Variants in TRAPPC10 observed in about 807,000 individuals in gnomAD.
TRAPPC10 encodes trafficking protein particle complex subunit 10.
TRAPPC10 carries 23 observed loss-of-function variants against 125.5 expected under a neutral mutation model. The observed-to-expected ratio is 0.18, with a 90% CI of 0.13 to 0.26. TRAPPC10 has a LOEUF of 0.26. Ranked by LOEUF, TRAPPC10 falls within the 10% of genes least tolerant of loss-of-function variation. The pLI is 1.00. For missense variants in TRAPPC10, 1,123 were observed against 1,308.4 expected (o/e 0.86, Z 2.19); for synonymous variants, 509 against 518.0 (o/e 0.98, Z 0.24).
chr21:44,015,026 G>A lies in TRAPPC10; in HGVS notation c.67+2466G>A, dbSNP rs1315424418. On this transcript the variant is annotated intron_variant, in intron 1 of 22. Coordinates refer to ENST00000291574, the MANE Select transcript of TRAPPC10 (RefSeq NM_003274.5). ...ATGTTTTGAAAGGAGAAGGTGGTAT[G>A]AACAATTGCTTTAAAAAAATCCACC... Among the ~76,000 whole-genome samples the A allele has an allele frequency of 2.0e-5, 3 of 152,198 alleles. No individual in the cohort carries two copies. In the South Asian group the frequency reaches 6.2e-4, roughly 32 times the overall value.
rs1044213113 is a variant in TRAPPC10, at chr21:44,087,563, T to G, written c.2540-136T>G. The G allele has an allele frequency of 2.7e-6, 2 of 739,614 alleles. No individual in the cohort carries two copies. The highest frequency in any genetic ancestry group is 1.7e-5 in the African/African-American group (1 of 57,660). 45.8% of individuals were successfully genotyped at this position (739,614 alleles called of 1,614,324 possible). ...TGCTCTGTCCTAGGGGCCTTGTTCTTGGGTTTGCCTGCCAGGTGCGCAGGA... is the reference window on the plus strand; with the variant it reads ...TGCTCTGTCCTAGGGGCCTTGTTCTGGGGTTTGCCTGCCAGGTGCGCAGGA... On this transcript the variant is annotated intron_variant, in intron 16 of 22. Coordinates refer to ENST00000291574, the MANE Select transcript of TRAPPC10 (RefSeq NM_003274.5). The surrounding 1 kb of genome is among the most constrained non-coding windows in gnomAD (Gnocchi z 4.6).
In TRAPPC10 at chr21:44,063,656, G is replaced by GTTA; in HGVS notation, c.910_912dup (p.Leu304dup). The GTTA allele has an allele frequency of 6.2e-7, 1 of 1,614,240 alleles. No homozygotes were observed. Among genetic ancestry groups the GTTA allele is most frequent in the Non-Finnish European group, 8.5e-7 (1 of 1,180,032 alleles). On this transcript the variant is annotated inframe_insertion, in exon 7 of 23. Transcript: ENST00000291574. This position sits in a 1 kb window ranked among gnomAD's most constrained non-coding sequence, Gnocchi z 4.4. Reference sequence around the variant, plus strand: ...CGATCCAGAGGCGAGAAGCCACCCTGTTAGATCTGCGCAGTTACCTGTTCT... The same window carrying GTTA: ...CGATCCAGAGGCGAGAAGCCACCCTGTTATTAGATCTGCGCAGTTACCTGTTCT...
At chr21:44,046,581 G>A (rs1601646615) in intron 3 of TRAPPC10, 1 of 187,244 alleles carries the variant, frequency 5.3e-6, no homozygotes, top group South Asian at 9.9e-5. Context: ...GCACGATCTC[G>A]GCTCACTGCA....
intron 1 of TRAPPC10, among the ~76,000 whole-genome samples, chr21:44,023,025 CTTTTTTTTTTTT>C (rs1028804319): frequency 1.2e-5 from 1 of 80,246 alleles, no homozygotes; most frequent in African/African-American, 5.7e-5. Flanking sequence ...TTCCCTATGT[CTTTTTTTTTTTT>C]TTTTTTTTTT....
intron 15 of TRAPPC10, among the ~76,000 whole-genome samples, chr21:44,086,080 G>A (rs1446684374): frequency 6.6e-6 from 1 of 152,226 alleles, no homozygotes; most frequent in Non-Finnish European, 1.5e-5. Context: ...GGAACATTGT[G>A]TAGAGAAGCT....
intron 5 of TRAPPC10, among the ~76,000 whole-genome samples, chr21:44,058,403 GGT>G (rs2035770317): frequency 6.6e-6 from 1 of 152,190 alleles, no homozygotes; most frequent in South Asian, 2.1e-4. Flanking sequence ...GCTGGGAAGG[GGT>G]GGGGGTGGGG....
intron 5 of TRAPPC10, among the ~76,000 whole-genome samples, chr21:44,056,679 G>A (rs952849802): frequency 6.6e-6 from 1 of 152,194 alleles, no homozygotes; most frequent in Non-Finnish European, 1.5e-5. Context: ...CTCTCTTCAA[G>A]GGTGCCACGG....
At chr21:44,053,922 TTGA>T (rs10561781) in intron 4 of TRAPPC10, among the ~76,000 whole-genome samples, 47,146 of 151,816 alleles carry the variant, frequency 0.31, 10,264 homozygotes, top group African/African-American at 0.62. Context: ...TTAAAAAAAA[TTGA>T]TGATGATATA....
At position 44,082,684 on chromosome 21, in the gene TRAPPC10, T is replaced by C; in HGVS notation, c.1724-104T>C. The C allele has an allele frequency of 7.6e-7, 1 of 1,309,098 alleles. No individual in the cohort carries two copies. The highest frequency in any genetic ancestry group is 1.5e-5 in the African/African-American group (1 of 68,936). The allele number at this position is 1,309,098 out of a possible 1,614,324, so 81.1% of individuals were successfully genotyped here. On this transcript the variant is annotated intron_variant, in intron 13 of 22. Transcript: ENST00000291574. The surrounding 1 kb of genome is among the most constrained non-coding windows in gnomAD (Gnocchi z 4.4). Reference sequence around the variant, plus strand: ...AGCTGCTGTGCCCATCACTGCTGCTTGCTTCAGTCTGCTCTCGGTGATCTT... The same window carrying C: ...AGCTGCTGTGCCCATCACTGCTGCTCGCTTCAGTCTGCTCTCGGTGATCTT...
intron 1 of TRAPPC10, among the ~76,000 whole-genome samples, chr21:44,020,105 G>A (rs1160019151): frequency 6.6e-6 from 1 of 151,346 alleles, no homozygotes; most frequent in Non-Finnish European, 1.5e-5. Flanking sequence ...TTGTATGTTT[G>A]GACATTTTTC....
chr21:44,085,941 C>T (rs1003220935), intron 15 of TRAPPC10, among the ~76,000 whole-genome samples: 28 of 152,210 alleles, frequency 1.8e-4, no homozygotes, highest in Middle Eastern at 3.2e-3. Context: ...GGAAAAAAAT[C>T]ACAAAGGGCA....
chr21:44,067,684 G>A (rs1007822378), intron 7 of TRAPPC10, among the ~76,000 whole-genome samples: 3 of 152,138 alleles, frequency 2.0e-5, no homozygotes, highest in Admixed American at 6.5e-5. Context: ...AAGTAGTGAC[G>A]AAGTGTTGTC....
chr21:44,084,819 G>C (rs751949493), intron 15 of TRAPPC10, among the ~76,000 whole-genome samples: 3 of 152,160 alleles, frequency 2.0e-5, no homozygotes, highest in Non-Finnish European at 4.4e-5. Context: ...CCCCTTTCTG[G>C]GTTTGATGAA....
chr21:44,063,415 C>A lies in TRAPPC10; in HGVS notation c.791-123C>A. The A allele has an allele frequency of 7.1e-7, 1 of 1,409,292 alleles. No homozygotes were observed. The highest frequency in any genetic ancestry group is 9.7e-7 in the Non-Finnish European group (1 of 1,035,674). 87.3% of individuals were successfully genotyped at this position (1,409,292 alleles called of 1,614,324 possible). ...GCATCACTAGACCACAGGGGGTGGG[C>A]CAGTGTTCATAGAAAAACTGGTTAT... On this transcript the variant is annotated intron_variant, in intron 6 of 22. Coordinates refer to ENST00000291574, the MANE Select transcript of TRAPPC10 (RefSeq NM_003274.5). The surrounding 1 kb of genome is among the most constrained non-coding windows in gnomAD (Gnocchi z 4.4).
chr21:44,079,179 C>G (rs1601778926), intron 11 of TRAPPC10, among the ~76,000 whole-genome samples: 1 of 152,282 alleles, frequency 6.6e-6, no homozygotes, highest in Middle Eastern at 3.4e-3. Context: ...TAGCAGTGTA[C>G]TTGTGGACAA....
At chr21:44,073,680 T>C (rs1360573666) in intron 7 of TRAPPC10, among the ~76,000 whole-genome samples, 1 of 152,184 alleles carries the variant, frequency 6.6e-6, no homozygotes, top group Non-Finnish European at 1.5e-5. Flanking sequence ...CCTGGGACGT[T>C]TTTCAAATAC....
chr21:44,025,587 T>G (rs2032964715), intron 1 of TRAPPC10, among the ~76,000 whole-genome samples: 1 of 152,210 alleles, frequency 6.6e-6, no homozygotes, highest in South Asian at 2.1e-4. Flanking sequence ...TTAGAAGAGT[T>G]CATTCAACTT....
chr21:44,076,807 G>A (rs1046998396), intron 10 of TRAPPC10, among the ~76,000 whole-genome samples, 179 bp downstream of exon 10: 1 of 152,112 alleles, frequency 6.6e-6, no homozygotes, highest in Non-Finnish European at 1.5e-5. Context: ...CATCAAATGT[G>A]TATTAGTGCC....
At chr21:44,078,328 C>G (rs1232087147) in intron 11 of TRAPPC10, among the ~76,000 whole-genome samples, 1 of 150,674 alleles carries the variant, frequency 6.6e-6, no homozygotes, top group African/African-American at 2.4e-5. Context: ...TGGTGTGTTT[C>G]ATAAAATCAG....
Sources: gnomAD v4.1 joint callset for allele counts (sites outside exome capture counted in the v4.1 genomes callset) on GRCh38, gnomAD v4.1.1 for gene constraint, Gnocchi (gnomAD v3.1) non-coding constraint, MANE v1.5 for transcripts, NCBI Gene and HGNC (gene_info 2026-07-23, HGNC 2026-07-21) for gene names.